Variants in HAS2 observed in about 807,000 individuals in gnomAD.
HAS2 encodes the protein HA synthase 2.
Under a neutral mutation model 51.6 loss-of-function variants are expected in HAS2, and 16 were observed. The observed-to-expected ratio is 0.31, with a 90% CI of 0.21 to 0.47. The LOEUF (loss-of-function observed/expected upper bound fraction) is 0.47. Ranked by LOEUF, HAS2 falls within the 20% of genes least tolerant of loss-of-function variation. HAS2 has a pLI of 1.00. For missense variants in HAS2, 361 were observed against 662.6 expected, an observed-to-expected ratio of 0.54 and a Z score of 5.00; for synonymous variants, 228 against 235.5, an observed-to-expected ratio of 0.97 and a Z score of 0.29.
chr8:121,639,966 GGA>G (rs1813069387), intron 1 of HAS2: 1 of 152,246 alleles, frequency 6.6e-6, no homozygotes, highest in South Asian at 2.1e-4. Context: ...CTGCAGCTGA[GGA>G]GAGAAGCGCC....
intron 2 of HAS2, among the ~76,000 whole-genome samples, chr8:121,624,939 C>CA (rs951270602): frequency 4.6e-4 from 69 of 150,458 alleles, no homozygotes; most frequent in African/African-American, 1.3e-3. Flanking sequence ...ACTAAAAATA[C>CA]AAAAAAAAAT....
At chr8:121,622,950 G>GAA (rs796165251) in intron 2 of HAS2, among the ~76,000 whole-genome samples, 6 of 142,576 alleles carry the variant, frequency 4.2e-5, no homozygotes, top group African/African-American at 1.5e-4. Flanking sequence ...AACCATTCCA[G>GAA]AAAAAAAAAA....
At position 121,641,165 on chromosome 8, in the gene HAS2, T is replaced by TTTTTTTTTTTTTTTTTTTCTTTA. The variant is rs1813095995; in HGVS notation, c.-314_-313insTAAAGAAAAAAAAAAAAAAAAAA. 8.5e-6 allele frequency: 1 copy of TTTTTTTTTTTTTTTTTTTCTTTA among 117,076 alleles called. No homozygotes were observed. Among genetic ancestry groups the TTTTTTTTTTTTTTTTTTTCTTTA allele is most frequent in the African/African-American group, 3.4e-5 (1 of 29,698 alleles). 7.3% of individuals were successfully genotyped at this position (117,076 alleles called of 1,614,324 possible). ...TCTTTTTTCTTTTCTTTTCTTTTTT[T>TTTTTTTTTTTTTTTTTTTCTTTA]TTTTTTTTTTTTTTTGGGCTTCAGT... On this transcript the variant is annotated 5_prime_UTR_variant, in exon 1 of 4. Transcript: ENST00000303924.
intron 2 of HAS2, among the ~76,000 whole-genome samples, chr8:121,626,351 A>G (rs1235420565): frequency 2.0e-5 from 3 of 152,214 alleles, no homozygotes; most frequent in Non-Finnish European, 2.9e-5. Context: ...GCATCTATTC[A>G]AGACCAAGTG....
At chr8:121,634,003 T>C (rs1812972808) in intron 1 of HAS2, among the ~76,000 whole-genome samples, 1 of 151,058 alleles carries the variant, frequency 6.6e-6, no homozygotes, top group Non-Finnish European at 1.5e-5. Context: ...CTCCGCCTCC[T>C]GGGTTCAAGT....
rs1812652397 is a variant in HAS2, at chr8:121,612,641, C to T, written c.*1468G>A. 1 of 152,062 alleles carries T rather than the reference C, an allele frequency of 6.6e-6. No individual in the cohort carries two copies. Among genetic ancestry groups the T allele is most frequent in the Admixed American group, 6.6e-5 (1 of 15,258 alleles). The allele number at this position is 152,062 out of a possible 1,614,324, so 9.4% of individuals were successfully genotyped here. On this transcript the variant is annotated 3_prime_UTR_variant, in exon 4 of 4. Coordinates refer to ENST00000303924, the MANE Select transcript of HAS2 (RefSeq NM_005328.3). ...AAAAATAAAACTGGATAATGGAGGC[C>T]TTGCAGTAACTAAATTAGCCAAGTT...
At chr8:121,638,699 CTATT>C (rs1409953371) in intron 1 of HAS2, among the ~76,000 whole-genome samples, 1 of 152,144 alleles carries the variant, frequency 6.6e-6, no homozygotes. Flanking sequence ...AATCGCCAAA[CTATT>C]GGGAAAACTT....
In HAS2 at chr8:121,628,831, G is replaced by A. The variant is rs373683528; in HGVS notation, c.510C>T (p.His170=). Residue 170 remains histidine, a synonymous_variant, in exon 2 of 4, where the codon CAC becomes CAT. Transcript: ENST00000303924. ...TDESHKESSQ[H]VTQLVLSNKS... The stretch of plus-strand genomic sequence containing the variant: ...TGTTGGACAAGACCAATTGCGTTAC[G>A]TGTTGCGAGCTTTCTTTATGTGACT... The A allele has an allele frequency of 1.6e-5, 26 of 1,613,946 alleles. No individual in the cohort carries two copies. The highest frequency in any genetic ancestry group is 4.5e-5 in the East Asian group (2 of 44,886).
At chr8:121,639,832 C>T (rs1813066483) in intron 1 of HAS2, 1 of 152,262 alleles carries the variant, frequency 6.6e-6, no homozygotes, top group Non-Finnish European at 1.5e-5. Flanking sequence ...GTTGATTATC[C>T]ATCCCAACCC....
At chr8:121,617,232 G>T in intron 2 of HAS2, 26 bp from the exon 3 acceptor site, 1 of 1,396,514 alleles carries the variant, frequency 7.2e-7, no homozygotes, top group Non-Finnish European at 1.0e-6. Context: ...TGAAAAATGA[G>T]TTAAAGAAAA....
At chr8:121,621,065 C>T (rs1236472378) in intron 2 of HAS2, among the ~76,000 whole-genome samples, 1 of 152,116 alleles carries the variant, frequency 6.6e-6, no homozygotes, top group Non-Finnish European at 1.5e-5. Flanking sequence ...ACAACAGAGA[C>T]CATATAGCCT....
Position 121,628,824 on chromosome 8 carries a change from G to A in HAS2, c.517C>T (p.Gln173Ter). ...SHKESSQHVT[Q>*]LVLSNKSICI... The stretch of plus-strand genomic sequence containing the variant: ...ATACTTTTGTTGGACAAGACCAATT[G>A]CGTTACGTGTTGCGAGCTTTCTTTA... Residue 173 changes from glutamine to a stop codon, truncating the protein, a stop_gained, in exon 2 of 4, where the codon CAA becomes TAA. Transcript: ENST00000303924. LOFTEE classifies it high-confidence loss of function. The A allele has an allele frequency of 6.2e-7, 1 of 1,614,098 alleles. No individual in the cohort carries two copies. Among genetic ancestry groups the A allele is most frequent in the Non-Finnish European group, 8.5e-7 (1 of 1,179,972 alleles).
chr8:121,631,656 G>A (rs1812930509), intron 1 of HAS2, among the ~76,000 whole-genome samples: 1 of 152,178 alleles, frequency 6.6e-6, no homozygotes, highest in Non-Finnish European at 1.5e-5. Context: ...TCAGTGAAAG[G>A]CAGGCAAGTA....
intron 1 of HAS2, among the ~76,000 whole-genome samples, chr8:121,633,441 G>A (rs1357748974): frequency 2.0e-5 from 3 of 152,110 alleles, no homozygotes; most frequent in African/African-American, 7.2e-5. Flanking sequence ...ACCACACCCA[G>A]CCTGAAAATT....
chr8:121,626,341 G>C (rs1024379022), intron 2 of HAS2, among the ~76,000 whole-genome samples: 1 of 152,146 alleles, frequency 6.6e-6, no homozygotes, highest in African/African-American at 2.4e-5. Flanking sequence ...AATAAGCAAG[G>C]CATCTATTCA....
chr8:121,617,248 A>G (rs1310676347), intron 2 of HAS2, 42 bp from the exon 3 acceptor site: 1 of 1,182,838 alleles, frequency 8.5e-7, no homozygotes, highest in South Asian at 1.3e-5. Flanking sequence ...GAAAAGGAAG[A>G]ACTATAAATA....
chr8:121,637,390 CTTTT>C (rs397728062), intron 1 of HAS2, among the ~76,000 whole-genome samples: 1 of 130,762 alleles, frequency 7.6e-6, no homozygotes, highest in Non-Finnish European at 1.6e-5. Flanking sequence ...TCAAAATAGA[CTTTT>C]TTTTTTTTTT....
Position 121,637,356 on chromosome 8 carries a change from A to T in HAS2, c.-1+3497T>A, listed in dbSNP as rs927574481. Among the ~76,000 whole-genome samples the T allele has an allele frequency of 9.3e-5, 14 of 150,436 alleles. No individual in the cohort carries two copies. In the South Asian group the frequency reaches 1.1e-3, roughly 11 times the overall value. ...CTAGATGGTGGGAAAGGCAGTATATATATGAACTCCACATGACTACCATTC... is the reference window on the plus strand; with the variant it reads ...CTAGATGGTGGGAAAGGCAGTATATTTATGAACTCCACATGACTACCATTC... On this transcript the variant is annotated intron_variant, in intron 1 of 3. Coordinates refer to ENST00000303924, the MANE Select transcript of HAS2 (RefSeq NM_005328.3).
At chr8:121,619,406 C>T (rs1373254963) in intron 2 of HAS2, among the ~76,000 whole-genome samples, 1 of 151,986 alleles carries the variant, frequency 6.6e-6, no homozygotes, top group East Asian at 1.9e-4. Flanking sequence ...TTAATTATAG[C>T]AATTTTGGGG....
Sources: gnomAD v4.1 joint callset for allele counts (sites outside exome capture counted in the v4.1 genomes callset) on GRCh38, gnomAD v4.1.1 for gene constraint, MANE v1.5 for transcripts, NCBI Gene and HGNC (gene_info 2026-07-23, HGNC 2026-07-21) for gene names.